The following GOLIM4 variants were observed in gnomAD, a reference collection of about 807,000 sequenced individuals.
GOLIM4 encodes the protein golgi integral membrane protein 4, also known as 130 kDa golgi-localized phosphoprotein.
Under a neutral mutation model 107.4 loss-of-function variants are expected in GOLIM4, and 71 were observed. That is an observed-to-expected ratio of 0.66 (90% confidence interval 0.55 to 0.81). GOLIM4 has a LOEUF of 0.81. Ranked by LOEUF, GOLIM4 falls within the 30% of genes least tolerant of loss-of-function variation. The probability of loss-of-function intolerance (pLI) is 0.00; values close to 1 mark genes in which losing one functional copy is unlikely to be tolerated. For missense variants in GOLIM4, 830 were observed against 826.1 expected (o/e 1.00, Z -0.06); for synonymous variants, 327 against 294.8 (o/e 1.11, Z -1.12).
intron 1 of GOLIM4, among the ~76,000 whole-genome samples, chr3:168,081,425 G>A (rs140661067): frequency 6.6e-6 from 1 of 152,188 alleles, no homozygotes; most frequent in Admixed American, 6.5e-5. Context: ...GTAAGGGGTA[G>A]CAGATGGACT....
In GOLIM4 at chr3:168,095,188, T is replaced by G. The variant is rs1487830056; in HGVS notation, c.98A>C (p.Tyr33Ser). 6.2e-7 allele frequency: 1 copy of G among 1,613,720 alleles called. No homozygotes were observed. The change falls in exon 1 of 16, where the codon TAC (tyrosine) becomes TCC (serine). Residue 33 changes from tyrosine (Y) to serine (S), a missense_variant. Transcript: ENST00000470487. ...VFGFLYGAML[Y>S]YELQTQLRKA... Reference sequence around the variant, plus strand: ...CCGCAGCTGCGTCTGCAGCTCGTAGTAGAGCATCGCGCCGTAGAGAAAGCC... The same window carrying G: ...CCGCAGCTGCGTCTGCAGCTCGTAGGAGAGCATCGCGCCGTAGAGAAAGCC...
chr3:168,060,914 C>G (rs1010203901), intron 1 of GOLIM4, among the ~76,000 whole-genome samples: 1 of 150,098 alleles, frequency 6.7e-6, no homozygotes, highest in Non-Finnish European at 1.5e-5. Context: ...AGAACTTCAT[C>G]ACATCTGCAT....
At chr3:168,092,466 G>T (rs1474621165) in intron 1 of GOLIM4, among the ~76,000 whole-genome samples, 1 of 152,102 alleles carries the variant, frequency 6.6e-6, no homozygotes, top group African/African-American at 2.4e-5. Flanking sequence ...AGGAATCTAT[G>T]GAGTATAATC....
intron 1 of GOLIM4, among the ~76,000 whole-genome samples, chr3:168,089,707 G>A (rs2108296932): frequency 6.6e-6 from 1 of 151,570 alleles, no homozygotes; most frequent in Middle Eastern, 3.5e-3. Context: ...GTACTACCAG[G>A]CACCAGACGC....
intron 1 of GOLIM4, among the ~76,000 whole-genome samples, chr3:168,066,970 C>T (rs555685191): frequency 1.3e-5 from 2 of 152,176 alleles, no homozygotes; most frequent in Admixed American, 6.5e-5. Flanking sequence ...GTAGGATAAA[C>T]ACACTAGTAT....
chr3:168,076,043 G>C (rs1276460367), intron 1 of GOLIM4, among the ~76,000 whole-genome samples: 2 of 152,104 alleles, frequency 1.3e-5, no homozygotes, highest in Admixed American at 1.3e-4. Flanking sequence ...AACTTGAAAA[G>C]AGTGTTTAAA....
intron 1 of GOLIM4, among the ~76,000 whole-genome samples, chr3:168,049,599 T>A (rs1386310535): frequency 6.6e-6 from 1 of 152,150 alleles, no homozygotes; most frequent in Non-Finnish European, 1.5e-5. Flanking sequence ...TCCCCGTGAC[T>A]ACATACAATT....
chr3:168,058,955 T>C (rs1241217666), intron 1 of GOLIM4, among the ~76,000 whole-genome samples: 2 of 152,072 alleles, frequency 1.3e-5, no homozygotes, highest in African/African-American at 4.8e-5. Flanking sequence ...TTCAGAAAAT[T>C]ATGCACAAGA....
chr3:168,058,266 G>A (rs1200359368), intron 1 of GOLIM4, among the ~76,000 whole-genome samples: 3 of 152,278 alleles, frequency 2.0e-5, no homozygotes, highest in Non-Finnish European at 1.5e-5. Context: ...ACTTGAATTG[G>A]TGCTTAACTG....
At chr3:168,017,339 A>G (rs1208550773) in intron 14 of GOLIM4, among the ~76,000 whole-genome samples, 1 of 152,026 alleles carries the variant, frequency 6.6e-6, no homozygotes, top group African/African-American at 2.4e-5. Context: ...AAAATTTATA[A>G]AATTAGCTGG....
chr3:168,031,860 G>A (rs1047805635), intron 9 of GOLIM4, among the ~76,000 whole-genome samples: 3 of 152,152 alleles, frequency 2.0e-5, no homozygotes, highest in African/African-American at 7.2e-5. Context: ...AAGGCATCTA[G>A]CTGCACTAAC....
intron 9 of GOLIM4, among the ~76,000 whole-genome samples, chr3:168,031,443 C>T (rs1248795676): frequency 1.3e-5 from 2 of 152,110 alleles, no homozygotes; most frequent in African/African-American, 2.4e-5. Flanking sequence ...TTCAAAATAT[C>T]GCCCATACTC....
rs1722112614 is a variant in GOLIM4 at position 168,095,170 on chromosome 3, T to G, written c.116A>C (p.Gln39Pro). The G allele has an allele frequency of 6.2e-7, 1 of 1,612,984 alleles. No homozygotes were observed. Among genetic ancestry groups the G allele is most frequent in the Non-Finnish European group, 8.5e-7 (1 of 1,179,312 alleles). The change falls in exon 1 of 16, where the codon CAG becomes CCG. Residue 39 changes from glutamine (Q) to proline (P), a missense_variant. Coordinates refer to ENST00000470487, the MANE Select transcript of GOLIM4 (RefSeq NM_014498.5). ...GAMLYYELQT[Q>P]LRKAEAVALK... The stretch of plus-strand genomic sequence containing the variant: ...CGCCACCGCCTCGGCTTTCCGCAGC[T>G]GCGTCTGCAGCTCGTAGTAGAGCAT...
rs115454419 is a variant in GOLIM4, at chr3:168,069,382, A to G, written c.188-21017T>C. On this transcript the variant is annotated intron_variant, in intron 1 of 15. Transcript: ENST00000470487. Reference sequence around the variant, plus strand: ...TATTGCCAGTACTGGAAGAGAACTGATGTTTCCAATGATGAACATTTTTAC... The same window carrying G: ...TATTGCCAGTACTGGAAGAGAACTGGTGTTTCCAATGATGAACATTTTTAC... Among the ~76,000 whole-genome samples, 245 of 152,334 alleles carry G rather than the reference A, an allele frequency of 1.6e-3. 2 individuals are homozygous for G. The highest frequency in any genetic ancestry group is 5.6e-3 in the African/African-American group (231 of 41,580).
intron 1 of GOLIM4, among the ~76,000 whole-genome samples, chr3:168,082,916 T>C (rs1721445506): frequency 6.6e-6 from 1 of 152,188 alleles, no homozygotes; most frequent in Non-Finnish European, 1.5e-5. Flanking sequence ...CTCAAACACA[T>C]TTTGACAAAA....
intron 1 of GOLIM4, among the ~76,000 whole-genome samples, chr3:168,078,034 G>A (rs890640975): frequency 6.6e-6 from 1 of 151,778 alleles, no homozygotes; most frequent in Non-Finnish European, 1.5e-5. Context: ...AGTATAACTA[G>A]TATTGGGAGG....
At chr3:168,081,681 A>T (rs968882582) in intron 1 of GOLIM4, among the ~76,000 whole-genome samples, 3 of 152,138 alleles carry the variant, frequency 2.0e-5, no homozygotes, top group Admixed American at 2.0e-4. Context: ...AAATGGTAAT[A>T]ACACAGTATA....
In GOLIM4 at chr3:168,032,543, G is replaced by A. The variant is rs1718387974; in HGVS notation, c.1153C>T (p.Leu385=). The A allele has an allele frequency of 6.2e-7, 1 of 1,613,916 alleles. No homozygotes were observed. The highest frequency in any genetic ancestry group is 1.3e-5 in the African/African-American group (1 of 74,874). Residue 385 remains leucine, a synonymous_variant, in exon 9 of 16, where the codon CTG becomes TTG. Transcript: ENST00000470487. ...ACCTCAGCACGCGCGTGCCCTTCCA[G>A]GAGGTTGGCTGCTTCTCGTTGCTCA... is the stretch of plus-strand genomic sequence containing the variant. ...QHEQREAANL[L]EGHARAEVYP...
At chr3:168,018,027 A>T (rs1274488517) in intron 14 of GOLIM4, among the ~76,000 whole-genome samples, 1 of 152,224 alleles carries the variant, frequency 6.6e-6, no homozygotes, top group Non-Finnish European at 1.5e-5. Flanking sequence ...TAACTTGTTA[A>T]CTATTTTGAA....
Sources: allele counts gnomAD v4.1 joint callset (sites outside exome capture counted in the v4.1 genomes callset), GRCh38; gene constraint gnomAD v4.1.1; transcripts MANE v1.5; gene names NCBI Gene and HGNC (gene_info 2026-07-23, HGNC 2026-07-21).